TMEM132D: variants seen among roughly 807,000 people sequenced by gnomAD.
TMEM132D encodes the protein transmembrane protein 132D, also known as mature OL transmembrane protein.
Under a neutral mutation model 62.3 loss-of-function variants are expected in TMEM132D, and 21 were observed. That is an observed-to-expected ratio of 0.34 (90% CI 0.24 to 0.49). TMEM132D has a LOEUF of 0.49. Among genes scored for constraint, TMEM132D ranks in the 20% least tolerant of loss-of-function variants. The probability of loss-of-function intolerance (pLI) is 0.99; values close to 1 mark genes in which losing one functional copy is unlikely to be tolerated. For missense variants in TMEM132D, 1,346 were observed against 1,402.8 expected (o/e 0.96, Z 0.65); for synonymous variants, 621 against 575.6 (o/e 1.08, Z -1.13).
At chr12:129,629,097 G>A (rs564722046) in intron 2 of TMEM132D, among the ~76,000 whole-genome samples, 41 of 151,018 alleles carry the variant, frequency 2.7e-4, no homozygotes, top group Non-Finnish European at 4.7e-4. Flanking sequence ...ACCCACCTTC[G>A]TGCCACCCTT....
intron 4 of TMEM132D, among the ~76,000 whole-genome samples, chr12:129,261,395 C>T (rs1469342497): frequency 6.6e-6 from 1 of 152,154 alleles, no homozygotes; most frequent in Admixed American, 6.5e-5. Flanking sequence ...AAGGGCAATT[C>T]ATTTCCCTGC....
At chr12:129,650,746 C>T (rs1220817571) in intron 2 of TMEM132D, among the ~76,000 whole-genome samples, 1 of 152,164 alleles carries the variant, frequency 6.6e-6, no homozygotes, top group East Asian at 1.9e-4. Context: ...CTTCTCAAGT[C>T]TGTTGGCAGT....
chr12:129,660,523 A>C (rs1300755306), intron 2 of TMEM132D, among the ~76,000 whole-genome samples: 4 of 152,110 alleles, frequency 2.6e-5, no homozygotes, highest in Non-Finnish European at 5.9e-5. Flanking sequence ...TAACTCACAG[A>C]TGTGTCCCCT....
chr12:129,235,567 A>G (rs1228133724), intron 4 of TMEM132D, among the ~76,000 whole-genome samples: 1 of 152,148 alleles, frequency 6.6e-6, no homozygotes, highest in African/African-American at 2.4e-5. Flanking sequence ...ATATTTTATT[A>G]TGTGGTTATA....
intron 2 of TMEM132D, among the ~76,000 whole-genome samples, chr12:129,614,480 T>C (rs1312278073): frequency 1.3e-5 from 2 of 152,172 alleles, no homozygotes; most frequent in Non-Finnish European, 2.9e-5. Context: ...ACCAAGAGGG[T>C]CAGATGCAAT....
At chr12:129,307,360 A>C (rs1566028301) in intron 4 of TMEM132D, among the ~76,000 whole-genome samples, 1 of 152,146 alleles carries the variant, frequency 6.6e-6, no homozygotes, top group African/African-American at 2.4e-5. Flanking sequence ...TATTTTTTCA[A>C]CATCACTGAA....
At chr12:129,521,530 T>A (rs1875847353) in intron 3 of TMEM132D, 1 of 152,124 alleles carries the variant, frequency 6.6e-6, no homozygotes, top group Admixed American at 6.6e-5. Flanking sequence ...CAAAGAGCAG[T>A]TGAGAAAGAA....
At chr12:129,515,885 A>T (rs1875659494) in intron 3 of TMEM132D, among the ~76,000 whole-genome samples, 1 of 152,212 alleles carries the variant, frequency 6.6e-6, no homozygotes, top group African/African-American at 2.4e-5. Context: ...CGTGACATGT[A>T]AAACCTTGGT....
At chr12:129,838,299 C>A (rs1306015307) in intron 1 of TMEM132D, among the ~76,000 whole-genome samples, 1 of 152,220 alleles carries the variant, frequency 6.6e-6, no homozygotes, top group South Asian at 2.1e-4. Flanking sequence ...GAATAGAAAG[C>A]GTCTTTCCAA....
At chr12:129,471,238 T>C (rs59203315) in intron 3 of TMEM132D, among the ~76,000 whole-genome samples, 2 of 150,104 alleles carry the variant, frequency 1.3e-5, no homozygotes, top group East Asian at 3.9e-4. Flanking sequence ...AAATTGAAGG[T>C]TTATGGCAAC....
At chr12:129,705,404 AT>A (rs1881479601) in intron 1 of TMEM132D, among the ~76,000 whole-genome samples, 1 of 152,178 alleles carries the variant, frequency 6.6e-6, no homozygotes, top group African/African-American at 2.4e-5. Context: ...TAAAAGTAAA[AT>A]TTTAAAAACT....
chr12:129,172,823 C>T (rs1174572137), intron 5 of TMEM132D, among the ~76,000 whole-genome samples: 1 of 152,138 alleles, frequency 6.6e-6, no homozygotes, highest in Admixed American at 6.5e-5. Context: ...GGCGATCCAC[C>T]CACCTCGGCC....
chr12:129,584,991 C>T (rs1877983627), intron 2 of TMEM132D, among the ~76,000 whole-genome samples: 1 of 152,062 alleles, frequency 6.6e-6, no homozygotes, highest in African/African-American at 2.4e-5. Flanking sequence ...GTGTATGTGG[C>T]AGTTTCCTCG....
chr12:129,289,566 A>AAAAAAAAAAAAAAAAG (rs1566023043), intron 4 of TMEM132D, among the ~76,000 whole-genome samples: 6 of 144,724 alleles, frequency 4.1e-5, no homozygotes, highest in Admixed American at 7.1e-5. Flanking sequence ...AAAAAAAAAG[A>AAAAAAAAAAAAAAAAG]AAAAAAAGAA....
At chr12:129,331,220 A>G (rs1364213024) in intron 4 of TMEM132D, among the ~76,000 whole-genome samples, 1 of 152,194 alleles carries the variant, frequency 6.6e-6, no homozygotes, top group Non-Finnish European at 1.5e-5. Context: ...TGCACTTCCT[A>G]AAGAGCAATG....
At chr12:129,385,084 T>G (rs111325563) in intron 3 of TMEM132D, among the ~76,000 whole-genome samples, 2,031 of 121,176 alleles carry the variant, frequency 0.017, 57 homozygotes, top group African/African-American at 0.062. Flanking sequence ...CTGTTAAAGT[T>G]CTTTTTTTTT....
At chr12:129,132,188 T>C (rs569093469) in intron 5 of TMEM132D, among the ~76,000 whole-genome samples, 3 of 152,330 alleles carry the variant, frequency 2.0e-5, no homozygotes, top group South Asian at 4.1e-4. Context: ...AGTAACCTGT[T>C]TGTTCAAAAG....
intron 4 of TMEM132D, among the ~76,000 whole-genome samples, chr12:129,280,338 G>A (rs969175301): frequency 3.9e-5 from 6 of 152,166 alleles, no homozygotes; most frequent in African/African-American, 1.4e-4. Context: ...TATAAAACAT[G>A]TGCAATATCC....
rs371226941 is a variant in TMEM132D at position 129,583,787 on chromosome 12, G to A, written c.969-52582C>T. Among the ~76,000 whole-genome samples, 12 of 152,300 alleles carry A rather than the reference G, an allele frequency of 7.9e-5. No homozygotes were observed. The South Asian group carries it at 1.0e-3, about 13-fold the overall frequency. On this transcript the variant is annotated intron_variant, in intron 2 of 8. Transcript: ENST00000422113. ...GAAAGCATCACCCAAGTGCAGAATCGGGAAAAGGATGTAGCAGCTTCATAG... is the reference window on the plus strand; with the variant it reads ...GAAAGCATCACCCAAGTGCAGAATCAGGAAAAGGATGTAGCAGCTTCATAG...
Sources: gnomAD v4.1 joint callset for allele counts (sites outside exome capture counted in the v4.1 genomes callset) on GRCh38, gnomAD v4.1.1 for gene constraint, MANE v1.5 for transcripts, NCBI Gene and HGNC (gene_info 2026-07-23, HGNC 2026-07-21) for gene names.